Variants in TOX4 observed in about 807,000 individuals in gnomAD.
TOX4 encodes the protein TOX high mobility group box family member 4, also known as epidermal Langerhans cell protein LCP1.
Under a neutral mutation model 61.0 loss-of-function variants are expected in TOX4, and 12 were observed. That is an observed-to-expected ratio of 0.20 (90% CI 0.13 to 0.32). The LOEUF is 0.32. Among genes scored for constraint, TOX4 ranks in the 10% least tolerant of loss-of-function variants. The pLI is 1.00. For synonymous variants in TOX4, 268 were observed against 274.8 expected (o/e 0.98, Z 0.24); for missense variants, 499 against 753.3 (o/e 0.66, Z 3.95).
At position 21,488,809 on chromosome 14, in the gene TOX4, A is replaced by C. The variant is rs1282596780; in HGVS notation, c.538A>C (p.Thr180Pro). 6.2e-7 allele frequency: 1 copy of C among 1,614,038 alleles called. No individual in the cohort carries two copies. The highest frequency in any genetic ancestry group is 8.5e-7 in the Non-Finnish European group (1 of 1,180,034). Reference sequence around the variant, plus strand: ...TCGTCTTTCAACCACCCCTTCACCTACTAGTTCACTTCACGAGGATGGTGT... The same window carrying C: ...TCGTCTTTCAACCACCCCTTCACCTCCTAGTTCACTTCACGAGGATGGTGT... The part of the protein sequence containing the change: ...EDRLSTTPSP[T>P]SSLHEDGVED... The change falls in exon 4 of 9, where the codon ACT (threonine) becomes CCT (proline). Residue 180 changes from threonine to proline, a missense_variant. Physicochemically the swap from Thr to Pro is conservative, Grantham distance 38. Coordinates refer to ENST00000448790, the MANE Select transcript of TOX4 (RefSeq NM_014828.4).
At chr14:21,481,183 A>C (rs929107285) in intron 2 of TOX4, among the ~76,000 whole-genome samples, 2 of 152,178 alleles carry the variant, frequency 1.3e-5, no homozygotes, top group Non-Finnish European at 2.9e-5. Flanking sequence ...AAGGATGTGG[A>C]TAACTTTTTT....
chr14:21,491,604 C>A (rs982778510), intron 5 of TOX4, among the ~76,000 whole-genome samples: 1 of 151,194 alleles, frequency 6.6e-6, no homozygotes, highest in Non-Finnish European at 1.5e-5. Context: ...ACCTCGTGAT[C>A]TGGCCACCTT....
chr14:21,495,533 A>C, intron 8 of TOX4, 141 bp downstream of exon 8: 1 of 961,238 alleles, frequency 1.0e-6, no homozygotes, highest in Middle Eastern at 2.6e-4. Flanking sequence ...CTACTAGAAA[A>C]GCTCCCCTGC....
chr14:21,480,500 A>G (rs1891089029), intron 2 of TOX4, among the ~76,000 whole-genome samples: 1 of 152,100 alleles, frequency 6.6e-6, no homozygotes, highest in Admixed American at 6.6e-5. Flanking sequence ...AGCCATTCCA[A>G]ATATATCTTA....
Position 21,498,174 on chromosome 14 carries a change from A to G in TOX4, c.*1568A>G. ...ATACAAATGTTTATTTAAATAAAGA[A>G]GAAAGCTATTGTACAAATATCACTC... is the stretch of plus-strand genomic sequence containing the variant. On this transcript the variant is annotated 3_prime_UTR_variant, in exon 9 of 9. Transcript: ENST00000448790. 1.2e-6 allele frequency: 1 copy of G among 809,592 alleles called. No individual in the cohort carries two copies. Among genetic ancestry groups the G allele is most frequent in the South Asian group, 1.5e-5 (1 of 65,654 alleles). The allele number at this position is 809,592 out of a possible 1,614,324, so 50.2% of individuals were successfully genotyped here. A position where few individuals can be genotyped will look rare whatever the true frequency, so the allele number is the denominator to read the frequency against.
chr14:21,488,281 T>C, intron 3 of TOX4: 1 of 262,702 alleles, frequency 3.8e-6, no homozygotes, highest in Admixed American at 4.9e-5. Flanking sequence ...AGGAAGTTTT[T>C]CTTTACTCAA....
chr14:21,491,951 C>T, intron 5 of TOX4: 1 of 163,636 alleles, frequency 6.1e-6, no homozygotes, highest in Non-Finnish European at 1.3e-5. Flanking sequence ...GCAGAGCTTG[C>T]AATGAGCCAA....
intron 7 of TOX4, 78 bp downstream of exon 7, chr14:21,493,335 T>A (rs1012454386): frequency 3.8e-5 from 56 of 1,483,724 alleles, no homozygotes; most frequent in Non-Finnish European, 4.8e-5. Context: ...ACAGTGGGGG[T>A]TGCTACTAGC....
At chr14:21,495,094 C>T in intron 7 of TOX4, 135 bp from the exon 8 acceptor site, 1 of 911,644 alleles carries the variant, frequency 1.1e-6, no homozygotes, top group East Asian at 2.5e-5. Flanking sequence ...AACTCACCTT[C>T]TTCTGCAGTT....
At chr14:21,487,385 C>T in intron 2 of TOX4, 66 bp from the exon 3 acceptor site, 1 of 1,570,470 alleles carries the variant, frequency 6.4e-7, no homozygotes, top group Non-Finnish European at 8.7e-7. Context: ...CCATTATGTT[C>T]TTCACTTAGT....
At chr14:21,482,908 A>C (rs1389137347) in intron 2 of TOX4, among the ~76,000 whole-genome samples, 1 of 151,902 alleles carries the variant, frequency 6.6e-6, no homozygotes, top group African/African-American at 2.4e-5. Context: ...CTTACTATTC[A>C]TACTTAAAGG....
rs533036340 is a variant in TOX4 at position 21,498,693 on chromosome 14, T to C, written c.*2087T>C. The C allele has an allele frequency of 6.5e-6, 3 of 464,880 alleles. No homozygotes were observed. The highest frequency in any genetic ancestry group is 3.8e-5 in the East Asian group (1 of 26,242). The allele number at this position is 464,880 out of a possible 1,614,324, so 28.8% of individuals were successfully genotyped here. Reference sequence around the variant, plus strand: ...ATGTGTTTTAAGCTCTGTTAAGGGGTGAAAGATGTAATTATTGACAGATTA... The same window carrying C: ...ATGTGTTTTAAGCTCTGTTAAGGGGCGAAAGATGTAATTATTGACAGATTA... On this transcript the variant is annotated 3_prime_UTR_variant, in exon 9 of 9. Transcript: ENST00000448790.
intron 2 of TOX4, among the ~76,000 whole-genome samples, chr14:21,479,161 AGT>A (rs35357403): frequency 0.12 from 17,752 of 144,168 alleles, 1,203 homozygotes; most frequent in Admixed American, 0.21. Context: ...AAGCAGGATA[AGT>A]GTGAATCTAG....
In TOX4 at chr14:21,485,132, A is replaced by C. The variant is rs764905789; in HGVS notation, c.76-2319A>C. Among the ~76,000 whole-genome samples, 4 of 106,430 alleles carry C rather than the reference A, an allele frequency of 3.8e-5. 2 individuals are homozygous for C. Among genetic ancestry groups the C allele is most frequent in the Non-Finnish European group, 8.3e-5 (4 of 48,282 alleles). 69.8% of individuals were successfully genotyped at this position (106,430 alleles called of 152,430 possible). A position where few individuals can be genotyped will look rare whatever the true frequency, so the allele number is the denominator to read the frequency against. On this transcript the variant is annotated intron_variant, in intron 2 of 8. Transcript: ENST00000448790. ...AAAATGCAAAAATTAGCCTGGCGTCATGGCCAGGCGTGGTGGCTCACGCCT... is the reference window on the plus strand; with the variant it reads ...AAAATGCAAAAATTAGCCTGGCGTCCTGGCCAGGCGTGGTGGCTCACGCCT...
rs1043262884 is a variant in TOX4, at chr14:21,488,633, C to G, written c.362C>G (p.Pro121Arg). The part of the protein sequence containing the change: ...SIGTQYSANP[P>R]VTIDVPMTDM... ...GGAACTCAGTATAGTGCCAACCCAC[C>G]TGTTACAATTGATGTACCAATGACA... The change falls in exon 4 of 9, where the codon CCT (proline) becomes CGT (arginine). Residue 121 changes from proline (P) to arginine (R), a missense_variant. Coordinates refer to ENST00000448790, the MANE Select transcript of TOX4 (RefSeq NM_014828.4). The G allele has an allele frequency of 1.2e-6, 2 of 1,614,140 alleles. No homozygotes were observed. Among genetic ancestry groups the G allele is most frequent in the African/African-American group, 2.7e-5 (2 of 75,026 alleles).
intron 8 of TOX4, 59 bp downstream of exon 8, chr14:21,495,451 T>C: frequency 1.3e-6 from 2 of 1,555,356 alleles, no homozygotes; most frequent in South Asian, 1.2e-5. Context: ...CTGGGAAACA[T>C]AGGAATCTTG....
intron 7 of TOX4, 63 bp from the exon 8 acceptor site, chr14:21,495,161 ATTTAG>A: frequency 6.5e-7 from 1 of 1,546,000 alleles, no homozygotes; most frequent in Non-Finnish European, 8.8e-7. Flanking sequence ...TCTACAGATA[ATTTAG>A]CTAACTAGCT....
chr14:21,498,367 A>T lies in TOX4; in HGVS notation c.*1761A>T. Reference sequence around the variant, plus strand: ...CCCATCCAGTTGGTTTCCAAGGGTGATCCTGAAACAGTGTAAAAGGAGGGG... The same window carrying T: ...CCCATCCAGTTGGTTTCCAAGGGTGTTCCTGAAACAGTGTAAAAGGAGGGG... On this transcript the variant is annotated 3_prime_UTR_variant, in exon 9 of 9. Transcript: ENST00000448790. 1 of 1,614,112 alleles carries T rather than the reference A, an allele frequency of 6.2e-7. No homozygotes were observed. The highest frequency in any genetic ancestry group is 8.5e-7 in the Non-Finnish European group (1 of 1,180,010).
intron 2 of TOX4, among the ~76,000 whole-genome samples, chr14:21,481,187 CTT>C (rs911524079): frequency 6.6e-6 from 1 of 151,602 alleles, no homozygotes; most frequent in Non-Finnish European, 1.5e-5. Context: ...ATGTGGATAA[CTT>C]TTTTTTTGAG....
Sources: allele counts gnomAD v4.1 joint callset (sites outside exome capture counted in the v4.1 genomes callset), GRCh38; gene constraint gnomAD v4.1.1; transcripts MANE v1.5; gene names NCBI Gene and HGNC (gene_info 2026-07-23, HGNC 2026-07-21).